Variants in CDH17 observed in about 807,000 individuals in gnomAD.
The protein encoded by CDH17 is cadherin-17.
A neutral mutation model predicts 86.3 loss-of-function variants in CDH17; 67 were observed. The observed-to-expected ratio is 0.78, with a 90% CI of 0.64 to 0.95. The LOEUF (loss-of-function observed/expected upper bound fraction) is 0.95. CDH17 is among the 40% of genes least tolerant of loss of function. CDH17 has a pLI of 0.00. For missense variants in CDH17, 993 were observed against 1,017.6 expected (o/e 0.98, Z 0.33); for synonymous variants, 367 against 366.4 (o/e 1.00, Z -0.02).
Position 94,130,667 on chromosome 8 carries a change from C to A in CDH17, c.2357G>T (p.Gly786Val). The A allele has an allele frequency of 1.2e-6, 2 of 1,613,736 alleles. No individual in the cohort carries two copies. The highest frequency in any genetic ancestry group is 1.7e-6 in the Non-Finnish European group (2 of 1,179,744). ...GGTCAGCAGTATACCAACTGCCATG[C>A]CCACAGTGGGTATCCCAGTCTGGTG... The part of the protein sequence containing the change: ...AGHQTGIPTV[G>V]MAVGILLTTL... The change falls in exon 17 of 18, where the codon GGC becomes GTC. Residue 786 changes from glycine to valine, a missense_variant. Transcript: ENST00000027335.
At chr8:94,151,347 C>T (rs1371235410) in intron 13 of CDH17, among the ~76,000 whole-genome samples, 6 of 152,210 alleles carry the variant, frequency 3.9e-5, no homozygotes, top group African/African-American at 1.4e-4. Flanking sequence ...CCACCTCAGC[C>T]AGAGCACCAG....
intron 1 of CDH17, among the ~76,000 whole-genome samples, chr8:94,204,346 T>A (rs1337654264): frequency 6.6e-6 from 1 of 152,112 alleles, no homozygotes; most frequent in Non-Finnish European, 1.5e-5. Context: ...TGTTCCCCTG[T>A]GTCATGTGTT....
At chr8:94,205,944 T>C (rs1024815360) in intron 1 of CDH17, among the ~76,000 whole-genome samples, 4 of 152,176 alleles carry the variant, frequency 2.6e-5, no homozygotes, top group Non-Finnish European at 5.9e-5. Context: ...TTAGCTTAGA[T>C]GTTAAGGGAA....
At chr8:94,208,891 C>T (rs753170314), upstream of CDH17, among the ~76,000 whole-genome samples, 1 of 152,052 alleles carries the variant, frequency 6.6e-6, no homozygotes, top group Non-Finnish European at 1.5e-5. Flanking sequence ...ATTTTGTACC[C>T]CCAACACTTA....
chr8:94,176,657 C>A lies in CDH17; in HGVS notation c.308G>T (p.Gly103Val). The part of the protein sequence containing the change: ...NLQVAALDAN[G>V]IIVEGPVPIT... ...AGGGACTGGACCCTCCACTATAATT[C>A]CATTAGCGTCCAGGGCTGCAACCTG... Residue 103 changes from glycine (G) to valine (V), a missense_variant, in exon 5 of 18, where the codon GGA becomes GTA. By Grantham distance (109) the Gly-to-Val change is moderately radical. Transcript: ENST00000027335. 1.2e-6 allele frequency: 2 copies of A among 1,613,320 alleles called. No homozygotes were observed. Among genetic ancestry groups the A allele is most frequent in the East Asian group, 2.2e-5 (1 of 44,790 alleles).
intron 8 of CDH17, 97 bp downstream of exon 8, chr8:94,170,757 T>TG (rs1362163815): frequency 5.9e-6 from 8 of 1,355,828 alleles, no homozygotes; most frequent in East Asian, 4.8e-5. Flanking sequence ...GAAATGTGTG[T>TG]TTTTTTTTTC....
intron 12 of CDH17, 85 bp downstream of exon 12, chr8:94,159,886 A>T: frequency 1.0e-6 from 1 of 986,630 alleles, no homozygotes; most frequent in East Asian, 2.6e-5. Context: ...CTAATACATC[A>T]CCTCTGCTTA....
At chr8:94,200,781 G>A (rs564680809) in intron 1 of CDH17, among the ~76,000 whole-genome samples, 1 of 151,838 alleles carries the variant, frequency 6.6e-6, no homozygotes, top group East Asian at 1.9e-4. Flanking sequence ...CCGCGGCCTG[G>A]ATCTGCATCC....
intron 7 of CDH17, among the ~76,000 whole-genome samples, chr8:94,172,842 G>T (rs1022107857): frequency 2.0e-5 from 3 of 152,154 alleles, no homozygotes; most frequent in Non-Finnish European, 4.4e-5. Context: ...GCATCTGAAC[G>T]GAGGGGAGAG....
rs547706563 is a variant in CDH17, at chr8:94,176,925, T to C, written c.286-246A>G. 2.6e-5 allele frequency among the ~76,000 whole-genome samples: 4 copies of C among 152,340 alleles called. No individual in the cohort carries two copies. In the East Asian group the frequency reaches 7.7e-4, roughly 29 times the overall value. ...ACACTGAACATGCATCTGTTCTGGA[T>C]GGCTGAAGTCCATGAAACAAGAGCA... On this transcript the variant is annotated intron_variant, in intron 4 of 17. Coordinates refer to ENST00000027335, the MANE Select transcript of CDH17 (RefSeq NM_004063.4).
chr8:94,133,294 G>A (rs959738204), intron 15 of CDH17, among the ~76,000 whole-genome samples: 1 of 152,156 alleles, frequency 6.6e-6, no homozygotes, highest in Non-Finnish European at 1.5e-5. Flanking sequence ...TCCTGTCCAC[G>A]AGCATGGAAT....
At chr8:94,133,587 A>G (rs1044375353) in intron 15 of CDH17, among the ~76,000 whole-genome samples, 1 of 152,216 alleles carries the variant, frequency 6.6e-6, no homozygotes, top group Non-Finnish European at 1.5e-5. Flanking sequence ...TAAATATACA[A>G]TCATGTCATG....
At chr8:94,142,817 G>T (rs78739777) in intron 15 of CDH17, among the ~76,000 whole-genome samples, 3,462 of 152,268 alleles carry the variant, frequency 0.023, 125 homozygotes, top group African/African-American at 0.079. Context: ...GATCATGAGA[G>T]TGCAGCAATT....
chr8:94,145,776 G>GT (rs1812729162), intron 15 of CDH17, 152 bp downstream of exon 15: 3 of 762,878 alleles, frequency 3.9e-6, no homozygotes, highest in African/African-American at 3.5e-5. Context: ...TTCCCCTCTG[G>GT]AGTCCTTCCC....
At chr8:94,148,973 AAT>A in intron 13 of CDH17, 99 bp from the exon 14 acceptor site, 2 of 905,916 alleles carry the variant, frequency 2.2e-6, no homozygotes, top group Non-Finnish European at 3.3e-6. Flanking sequence ...GCATCCTTGA[AAT>A]ATGTTGTAAA....
intron 2 of CDH17, among the ~76,000 whole-genome samples, chr8:94,191,125 T>C (rs536676225): frequency 6.6e-6 from 1 of 151,886 alleles, no homozygotes; most frequent in South Asian, 2.1e-4. Context: ...GGAAGTCCAC[T>C]GGCAGTGGTC....
intron 17 of CDH17, among the ~76,000 whole-genome samples, chr8:94,129,616 A>T (rs1812370522): frequency 6.6e-6 from 1 of 152,194 alleles, no homozygotes; most frequent in African/African-American, 2.4e-5. Context: ...TCAGGTACAC[A>T]TGAAATAATG....
chr8:94,210,608 A>G (rs570055168), upstream of CDH17, among the ~76,000 whole-genome samples: 4 of 152,332 alleles, frequency 2.6e-5, no homozygotes, highest in African/African-American at 9.6e-5. Context: ...ACTCATTTTC[A>G]TGAAAAGTGA....
Position 94,162,105 on chromosome 8 carries a change from G to C in CDH17, c.1340C>G (p.Pro447Arg). The C allele has an allele frequency of 6.3e-7, 1 of 1,598,818 alleles. No individual in the cohort carries two copies. The highest frequency in any genetic ancestry group is 8.6e-7 in the Non-Finnish European group (1 of 1,166,368). The change falls in exon 11 of 18, where the codon CCC becomes CGC. Residue 447 changes from proline (P) to arginine (R), a missense_variant. Pro to Arg is a moderately radical substitution (Grantham distance 103, BLOSUM62 -2). Coordinates refer to ENST00000027335, the MANE Select transcript of CDH17 (RefSeq NM_004063.4). ...INVIDINDQI[P>R]IFEKSDYGNL... ...ACTCACATCTGATTTTTCAAAGATG[G>C]GGATCTGATCATTGATATCAATAAC...
Sources: allele counts gnomAD v4.1 joint callset (sites outside exome capture counted in the v4.1 genomes callset), GRCh38; gene constraint gnomAD v4.1.1; transcripts MANE v1.5; gene names NCBI Gene and HGNC (gene_info 2026-07-23, HGNC 2026-07-21).